Variants in CAP1 observed in about 807,000 individuals in gnomAD.
CAP1 encodes the protein cyclase associated actin cytoskeleton regulatory protein 1.
A neutral mutation model predicts 58.2 loss-of-function variants in CAP1; 11 were observed. That is an observed-to-expected ratio of 0.19 (90% CI 0.12 to 0.31). The LOEUF is 0.31. Ranked by LOEUF, CAP1 falls within the 10% of genes least tolerant of loss-of-function variation. The probability of loss-of-function intolerance (pLI) is 1.00; values close to 1 mark genes in which losing one functional copy is unlikely to be tolerated. For missense variants in CAP1, 423 were observed against 587.5 expected (o/e 0.72, Z 2.89); for synonymous variants, 183 against 213.8 (o/e 0.86, Z 1.26).
At chr1:40,069,048 T>A (rs111508756) in intron 8 of CAP1, among the ~76,000 whole-genome samples, 1 of 152,170 alleles carries the variant, frequency 6.6e-6, no homozygotes, top group African/African-American at 2.4e-5. Context: ...GTAGCCAGGC[T>A]GGTTTTGAAC....
In CAP1 at chr1:40,040,790, C is replaced by T. The variant is rs1645777431; in HGVS notation, c.-22C>T. On this transcript the variant is annotated 5_prime_UTR_variant, in exon 1 of 13. Transcript: ENST00000372805. ...GGCTGATCGCAGTCCGGAGGTGAGG[C>T]GGAACTCTGAGGTGAGGGTGTGCAG... 6.5e-6 allele frequency: 1 copy of T among 153,172 alleles called. No individual in the cohort carries two copies. The highest frequency in any genetic ancestry group is 1.5e-5 in the Non-Finnish European group (1 of 68,476). 9.5% of individuals were successfully genotyped at this position (153,172 alleles called of 1,614,324 possible).
In CAP1 at chr1:40,046,543, G is replaced by A. The variant is rs1646115116; in HGVS notation, c.-11+5742G>A. Among the ~76,000 whole-genome samples, 3 of 152,120 alleles carry A rather than the reference G, an allele frequency of 2.0e-5. No homozygotes were observed. The South Asian group carries it at 6.2e-4, about 31-fold the overall frequency. On this transcript the variant is annotated intron_variant, in intron 1 of 12. Coordinates refer to ENST00000372805, the MANE Select transcript of CAP1 (RefSeq NM_006367.4). The stretch of plus-strand genomic sequence containing the variant: ...TATGGAGTTATTCACATTTATTTTA[G>A]TTGATAAAATTATACAGTCATGTGT...
chr1:40,067,805 C>A, intron 8 of CAP1, 88 bp downstream of exon 8: 2 of 972,098 alleles, frequency 2.1e-6, no homozygotes, highest in East Asian at 2.7e-5. Context: ...AACTACAACC[C>A]TGGCTTGTGT....
chr1:40,044,814 T>C (rs1646008068), intron 1 of CAP1, among the ~76,000 whole-genome samples: 1 of 126,140 alleles, frequency 7.9e-6, no homozygotes, highest in African/African-American at 3.3e-5. Flanking sequence ...TTTTTTTTTT[T>C]GAGACAGAGT....
intron 9 of CAP1, 46 bp downstream of exon 9, chr1:40,069,920 ATTTT>A (rs768478870): frequency 1.3e-6 from 2 of 1,496,738 alleles, no homozygotes; most frequent in African/African-American, 2.8e-5. Flanking sequence ...TTATTATTTT[ATTTT>A]TTTGAGATGG....
intron 4 of CAP1, among the ~76,000 whole-genome samples, chr1:40,062,773 T>TTGTGTGTGTGTGTGTGTGTGTGTGTGTG (rs1169359200): frequency 8.2e-5 from 12 of 145,628 alleles, no homozygotes; most frequent in East Asian, 2.0e-4. Context: ...TCAAAAAACA[T>TTGTGTGTGTGTGTGTGTGTGTGTGTGTG]TGTGTGTGTG....
In CAP1 at chr1:40,048,470, T is replaced by C. The variant is rs34904695; in HGVS notation, c.-11+7669T>C. Among the ~76,000 whole-genome samples, 444 of 152,346 alleles carry C rather than the reference T, an allele frequency of 2.9e-3. 3 individuals carry two copies. Among genetic ancestry groups the C allele is most frequent in the African/African-American group, 0.01 (429 of 41,582 alleles). On this transcript the variant is annotated intron_variant, in intron 1 of 12. Coordinates refer to ENST00000372805, the MANE Select transcript of CAP1 (RefSeq NM_006367.4). ...CTGGTAGCATGTGTAGGTTTTACTT[T>C]GTGACATGTTAAAACCTCGTGATAA...
intron 4 of CAP1, among the ~76,000 whole-genome samples, chr1:40,062,543 A>C (rs1054675581): frequency 6.6e-6 from 1 of 152,120 alleles, no homozygotes; most frequent in African/African-American, 2.4e-5. Context: ...TGAGGCCAGG[A>C]GTTTGAGACC....
At position 40,069,668 on chromosome 1, in the gene CAP1, AAGGT is replaced by A; in HGVS notation, c.809-19_809-16del. ...AAGGTCTGGTATGAAGGACAGGAACAAGGTAGCTGTTGTTCTTACAGCCCTGAAA... is the reference window on the plus strand; with the variant it reads ...AAGGTCTGGTATGAAGGACAGGAACAAGCTGTTGTTCTTACAGCCCTGAAA... On this transcript the variant is annotated intron_variant, in intron 8 of 12. Transcript: ENST00000372805. The A allele has an allele frequency of 6.2e-7, 1 of 1,605,140 alleles. No individual in the cohort carries two copies. The highest frequency in any genetic ancestry group is 8.5e-7 in the Non-Finnish European group (1 of 1,174,628).
intron 1 of CAP1, among the ~76,000 whole-genome samples, chr1:40,055,701 G>A (rs1413002926): frequency 4.6e-5 from 7 of 152,092 alleles, no homozygotes; most frequent in Non-Finnish European, 5.9e-5. Context: ...TAGAGACAAG[G>A]TCTCCCTATG....
chr1:40,057,013 G>C (rs991183980), intron 1 of CAP1, among the ~76,000 whole-genome samples: 3 of 152,092 alleles, frequency 2.0e-5, no homozygotes, highest in African/African-American at 7.2e-5. Flanking sequence ...TCAGACAGCG[G>C]AACTTTAGCT....
chr1:40,067,100 C>G lies in CAP1; in HGVS notation c.631-440C>G, dbSNP rs757118429. Among the ~76,000 whole-genome samples, 3 of 151,966 alleles carry G rather than the reference C, an allele frequency of 2.0e-5. No individual in the cohort carries two copies. In the South Asian group the frequency reaches 6.2e-4, roughly 32 times the overall value. On this transcript the variant is annotated intron_variant, in intron 7 of 12. Coordinates refer to ENST00000372805, the MANE Select transcript of CAP1 (RefSeq NM_006367.4). ...CAAGATAATAGAGATTTGATAAGGT[C>G]GAAGAAGTTGGAATCCTCAAAGAAG... is the stretch of plus-strand genomic sequence containing the variant.
At chr1:40,051,309 G>C (rs1267636401) in intron 1 of CAP1, among the ~76,000 whole-genome samples, 1 of 152,130 alleles carries the variant, frequency 6.6e-6, no homozygotes, top group Non-Finnish European at 1.5e-5. Flanking sequence ...CAGCATTTTG[G>C]GAGGCTGAGG....
chr1:40,047,910 C>T (rs898351614), intron 1 of CAP1, among the ~76,000 whole-genome samples: 4 of 152,126 alleles, frequency 2.6e-5, no homozygotes, highest in Non-Finnish European at 5.9e-5. Context: ...TCCTTCCCTC[C>T]GTAGAAGATA....
chr1:40,064,560 G>A lies in CAP1; in HGVS notation c.524+1G>A, dbSNP rs1469458728. 1 of 1,608,722 alleles carries A rather than the reference G, an allele frequency of 6.2e-7. No homozygotes were observed. The highest frequency in any genetic ancestry group is 1.7e-5 in the Admixed American group (1 of 60,010). ...GAGTCCTCAAAGAGTACAAAGATGT[G>A]TAAGTTCAGCCTTTTCTCTCTTTTT... On this transcript the variant is annotated splice_donor_variant, in intron 6 of 12. Transcript: ENST00000372805. LOFTEE classifies it high-confidence loss of function.
At chr1:40,056,347 AGTGCATG>A (rs1646617111) in intron 1 of CAP1, among the ~76,000 whole-genome samples, 1 of 149,438 alleles carries the variant, frequency 6.7e-6, no homozygotes, top group Non-Finnish European at 1.5e-5. Context: ...CCCAGGCTGG[AGTGCATG>A]GTACAATCAC....
chr1:40,069,587 C>G (rs561415904), intron 8 of CAP1, 103 bp from the exon 9 acceptor site: 117 of 967,074 alleles, frequency 1.2e-4, no homozygotes, highest in Non-Finnish European at 1.7e-4. Flanking sequence ...CTCAAAGGCT[C>G]TGGTTTTGGC....
At chr1:40,065,505 C>T (rs1174441698) in intron 6 of CAP1, among the ~76,000 whole-genome samples, 1 of 152,224 alleles carries the variant, frequency 6.6e-6, no homozygotes, top group East Asian at 1.9e-4. Context: ...GAACAACAGG[C>T]ACTTCCTTAT....
At chr1:40,065,690 T>C (rs1647037566) in intron 6 of CAP1, among the ~76,000 whole-genome samples, 1 of 152,206 alleles carries the variant, frequency 6.6e-6, no homozygotes, top group Non-Finnish European at 1.5e-5. Context: ...TTAAGGCTGA[T>C]TGTTTCCCCC....
Sources: gnomAD v4.1 joint callset for allele counts (sites outside exome capture counted in the v4.1 genomes callset) on GRCh38, gnomAD v4.1.1 for gene constraint, MANE v1.5 for transcripts, NCBI Gene and HGNC (gene_info 2026-07-23, HGNC 2026-07-21) for gene names.